The following OSBPL8 variants were observed in gnomAD, a reference collection of about 807,000 sequenced individuals.
The protein encoded by OSBPL8 is oxysterol binding protein like 8, also known as oxysterol-binding protein-related protein 8.
Under a neutral mutation model 125.5 loss-of-function variants are expected in OSBPL8, and 59 were observed. The ratio of observed to expected loss-of-function variants is 0.47; its 90% confidence interval spans 0.38 to 0.58. OSBPL8 has a LOEUF of 0.58. Ranked by LOEUF, OSBPL8 falls within the 20% of genes least tolerant of loss-of-function variation. OSBPL8 has a pLI of 0.00. For missense variants in OSBPL8, 758 were observed against 1,047.8 expected (o/e 0.72, Z 3.82); for synonymous variants, 330 against 338.9 (o/e 0.97, Z 0.29).
At chr12:76,477,861 A>T (rs1399548275) in intron 2 of OSBPL8, among the ~76,000 whole-genome samples, 3 of 151,950 alleles carry the variant, frequency 2.0e-5, no homozygotes, top group African/African-American at 7.2e-5. Context: ...TTTATTTAAA[A>T]ATATATATAT....
chr12:76,507,898 C>T (rs933618246), intron 1 of OSBPL8, among the ~76,000 whole-genome samples: 10 of 145,946 alleles, frequency 6.9e-5, no homozygotes, highest in African/African-American at 1.3e-4. Flanking sequence ...TGGCTGGGCG[C>T]GGTGGCTCAT....
At chr12:76,364,742 A>G (rs750852254) in intron 21 of OSBPL8, among the ~76,000 whole-genome samples, 7 of 152,356 alleles carry the variant, frequency 4.6e-5, no homozygotes, top group African/African-American at 7.2e-5. Context: ...CTGTTCTTAC[A>G]TAAGTACCAC....
At position 76,388,999 on chromosome 12, in the gene OSBPL8, G is replaced by A. The variant is rs149909209; in HGVS notation, c.1352+646C>T. Among the ~76,000 whole-genome samples, 932 of 152,138 alleles carry A rather than the reference G, an allele frequency of 6.1e-3. 5 individuals carry two copies. The highest frequency in any genetic ancestry group is 0.014 in the Middle Eastern group (4 of 294). On this transcript the variant is annotated intron_variant, in intron 12 of 23. Coordinates refer to ENST00000261183, the MANE Select transcript of OSBPL8 (RefSeq NM_020841.5). Reference sequence around the variant, plus strand: ...GAAACACCATTATTGCTGGAATAGGGGCATCAGGTAAGAATTGGAAGCATG... The same window carrying A: ...GAAACACCATTATTGCTGGAATAGGAGCATCAGGTAAGAATTGGAAGCATG...
intron 1 of OSBPL8, among the ~76,000 whole-genome samples, chr12:76,541,303 C>A (rs753436581): frequency 6.6e-6 from 1 of 151,692 alleles, no homozygotes; most frequent in Non-Finnish European, 1.5e-5. Flanking sequence ...ATACTGTGAA[C>A]CCCATCTCCA....
At chr12:76,508,085 C>A (rs11829924) in intron 1 of OSBPL8, among the ~76,000 whole-genome samples, 7 of 151,460 alleles carry the variant, frequency 4.6e-5, no homozygotes, top group African/African-American at 1.7e-4. Flanking sequence ...GCAGGGGAAT[C>A]GCTTGAACCT....
intron 1 of OSBPL8, among the ~76,000 whole-genome samples, chr12:76,502,804 A>G (rs1286036970): frequency 1.3e-5 from 2 of 152,194 alleles, no homozygotes; most frequent in Non-Finnish European, 2.9e-5. Context: ...GAAGGTAGTT[A>G]TAAATACCTG....
chr12:76,491,917 A>AT (rs1372179722), intron 1 of OSBPL8, among the ~76,000 whole-genome samples: 1 of 152,054 alleles, frequency 6.6e-6, no homozygotes, highest in Non-Finnish European at 1.5e-5. Flanking sequence ...TATTTTACTG[A>AT]TTTTTTTCAT....
chr12:76,370,406 A>C (rs1406348128), intron 19 of OSBPL8, among the ~76,000 whole-genome samples: 1 of 152,172 alleles, frequency 6.6e-6, no homozygotes, highest in Non-Finnish European at 1.5e-5. Context: ...GATTTCCCCT[A>C]CTAGTTCTTT....
intron 1 of OSBPL8, among the ~76,000 whole-genome samples, chr12:76,512,594 A>G (rs1455092814): frequency 6.6e-6 from 1 of 152,130 alleles, no homozygotes; most frequent in Non-Finnish European, 1.5e-5. Flanking sequence ...GTAACCCTGT[A>G]GCGTAGTTTG....
chr12:76,448,704 A>T (rs1873007713), intron 4 of OSBPL8, among the ~76,000 whole-genome samples: 1 of 152,214 alleles, frequency 6.6e-6, no homozygotes, highest in Non-Finnish European at 1.5e-5. Flanking sequence ...ATATGACTAG[A>T]TAAACATTTT....
chr12:76,386,761 A>G, intron 12 of OSBPL8, 101 bp from the exon 13 acceptor site: 2 of 729,448 alleles, frequency 2.7e-6, no homozygotes, highest in South Asian at 4.3e-5. Context: ...ATTGGAAAAC[A>G]TAATTCTTAT....
chr12:76,362,086 G>T (rs988837962), intron 21 of OSBPL8, among the ~76,000 whole-genome samples: 3 of 152,018 alleles, frequency 2.0e-5, no homozygotes, highest in Admixed American at 2.0e-4. Context: ...AAGCAGGCAG[G>T]TTTGGCCCAT....
At chr12:76,420,620 G>A (rs953069468) in intron 4 of OSBPL8, among the ~76,000 whole-genome samples, 3 of 152,140 alleles carry the variant, frequency 2.0e-5, no homozygotes, top group Middle Eastern at 6.8e-3. Flanking sequence ...GCTCAAAGCA[G>A]TAAGAAAAAG....
At chr12:76,441,680 G>T (rs1321366919) in intron 4 of OSBPL8, among the ~76,000 whole-genome samples, 1 of 151,902 alleles carries the variant, frequency 6.6e-6, no homozygotes, top group East Asian at 1.9e-4. Context: ...ATATATAAAA[G>T]AACATTTTTT....
intron 2 of OSBPL8, among the ~76,000 whole-genome samples, chr12:76,486,709 G>C (rs768750822): frequency 3.9e-5 from 6 of 152,146 alleles, no homozygotes; most frequent in Non-Finnish European, 2.9e-5. Flanking sequence ...TCACAGGGTA[G>C]AAATGTTTAT....
intron 1 of OSBPL8, among the ~76,000 whole-genome samples, chr12:76,526,871 G>T (rs186262534): frequency 6.6e-6 from 1 of 151,514 alleles, no homozygotes; most frequent in Non-Finnish European, 1.5e-5. Context: ...GGCTGGTCTC[G>T]AACTCCTGAC....
intron 12 of OSBPL8, among the ~76,000 whole-genome samples, chr12:76,388,606 T>C (rs1365381619): frequency 6.6e-6 from 1 of 152,172 alleles, no homozygotes; most frequent in African/African-American, 2.4e-5. Flanking sequence ...TAAACAACAA[T>C]AACTTACTAT....
At chr12:76,437,144 G>GT (rs1871556809) in intron 4 of OSBPL8, among the ~76,000 whole-genome samples, 1 of 152,104 alleles carries the variant, frequency 6.6e-6, no homozygotes, top group Non-Finnish European at 1.5e-5. Flanking sequence ...TGGTACATGC[G>GT]TGAGAGTATT....
chr12:76,386,072 G>C (rs1953295851), intron 14 of OSBPL8, 96 bp downstream of exon 14: 2 of 1,483,974 alleles, frequency 1.3e-6, no homozygotes, highest in Admixed American at 2.7e-5. Flanking sequence ...AATAAGAAAG[G>C]CTAAATAATA....
Sources: allele counts gnomAD v4.1 joint callset (sites outside exome capture counted in the v4.1 genomes callset), GRCh38; gene constraint gnomAD v4.1.1; transcripts MANE v1.5; gene names NCBI Gene and HGNC (gene_info 2026-07-23, HGNC 2026-07-21).